CYTH3: variants seen among roughly 807,000 people sequenced by gnomAD.
CYTH3 encodes the protein cytohesin-3.
A neutral mutation model predicts 55.1 loss-of-function variants in CYTH3; 23 were observed. The observed-to-expected ratio is 0.42, with a 90% CI of 0.30 to 0.59. The LOEUF (loss-of-function observed/expected upper bound fraction) is 0.59. Ranked by LOEUF, CYTH3 falls within the 20% of genes least tolerant of loss-of-function variation. The pLI is 0.20. For synonymous variants in CYTH3, 249 were observed against 194.9 expected (o/e 1.28, Z -2.31); for missense variants, 413 against 524.8 (o/e 0.79, Z 2.08).
intron 1 of CYTH3, among the ~76,000 whole-genome samples, chr7:6,237,055 G>C (rs1242597494): frequency 6.6e-6 from 1 of 152,218 alleles, no homozygotes; most frequent in African/African-American, 2.4e-5. Context: ...TCAAAGCAGA[G>C]GAGTACTTGC....
intron 1 of CYTH3, chr7:6,212,565 A>C (rs1398349780): frequency 6.6e-6 from 1 of 152,202 alleles, no homozygotes; most frequent in Non-Finnish European, 1.5e-5. Context: ...TATAAAAAAA[A>C]AGTTCTCAAG....
At chr7:6,205,426 T>G (rs1398358098) in intron 1 of CYTH3, among the ~76,000 whole-genome samples, 1 of 151,440 alleles carries the variant, frequency 6.6e-6, no homozygotes, top group Non-Finnish European at 1.5e-5. Context: ...TACAAAAAAT[T>G]AGCCAGGCAT....
chr7:6,242,569 G>C (rs1417016618), intron 1 of CYTH3, among the ~76,000 whole-genome samples: 1 of 150,798 alleles, frequency 6.6e-6, no homozygotes, highest in Non-Finnish European at 1.5e-5. Context: ...TAGAGATGGG[G>C]TTTCACCATA....
intron 1 of CYTH3, chr7:6,212,773 T>C (rs1056140408): frequency 5.3e-5 from 8 of 152,232 alleles, no homozygotes; most frequent in Admixed American, 2.0e-4. Flanking sequence ...TAATATTCCA[T>C]TGTATGGAGA....
intron 1 of CYTH3, among the ~76,000 whole-genome samples, chr7:6,242,013 A>C (rs1397554684): frequency 6.6e-6 from 1 of 152,222 alleles, no homozygotes; most frequent in South Asian, 2.1e-4. Flanking sequence ...TCATGCTTGC[A>C]TATACCACTG....
intron 4 of CYTH3, among the ~76,000 whole-genome samples, chr7:6,185,595 G>C (rs555886968): frequency 5.9e-5 from 9 of 151,916 alleles, no homozygotes; most frequent in Admixed American, 5.9e-4. Context: ...AGCTACTCGG[G>C]AGGCTGAGGC....
intron 1 of CYTH3, among the ~76,000 whole-genome samples, chr7:6,256,188 G>T (rs6463537): frequency 0.96 from 146,436 of 152,364 alleles, 70,422 homozygotes; most frequent in East Asian, 1. Flanking sequence ...ACTACATTTC[G>T]TGATGGCTGA....
intron 1 of CYTH3, among the ~76,000 whole-genome samples, chr7:6,231,097 A>G (rs968193248): frequency 3.3e-5 from 5 of 152,188 alleles, no homozygotes; most frequent in Admixed American, 1.3e-4. Context: ...CTTAGACTTC[A>G]TCAAACACTA....
intron 9 of CYTH3, among the ~76,000 whole-genome samples, chr7:6,168,186 T>C (rs1326731692): frequency 6.6e-6 from 1 of 151,782 alleles, no homozygotes; most frequent in African/African-American, 2.4e-5. Context: ...ACACACTTTC[T>C]GTATGGCAGC....
At chr7:6,177,776 A>C in intron 5 of CYTH3, 47 bp downstream of exon 5, 1 of 1,439,580 alleles carries the variant, frequency 6.9e-7, no homozygotes, top group East Asian at 2.3e-5. Flanking sequence ...GTCAAGCTGC[A>C]GGGCTGAGTG....
At chr7:6,210,671 T>C (rs536843008) in intron 1 of CYTH3, among the ~76,000 whole-genome samples, 4 of 152,334 alleles carry the variant, frequency 2.6e-5, no homozygotes, top group African/African-American at 4.8e-5. Flanking sequence ...AAACCCCCAG[T>C]GCTTGTCAGT....
chr7:6,168,261 G>A (rs952061219), intron 9 of CYTH3, among the ~76,000 whole-genome samples: 15 of 142,760 alleles, frequency 1.1e-4, no homozygotes. Flanking sequence ...TTCAAGACTC[G>A]AAGTCTTAAG....
intron 1 of CYTH3, among the ~76,000 whole-genome samples, chr7:6,195,847 T>G (rs1019663687): frequency 4.6e-5 from 7 of 152,156 alleles, no homozygotes; most frequent in African/African-American, 1.4e-4. Flanking sequence ...GAAGAAATAA[T>G]GGCTGAAATG....
chr7:6,265,211 C>T (rs967349329), intron 1 of CYTH3, among the ~76,000 whole-genome samples: 3 of 149,654 alleles, frequency 2.0e-5, no homozygotes, highest in African/African-American at 7.5e-5. Flanking sequence ...TCCCCAAGGT[C>T]AGAATGTTTT....
chr7:6,166,461 G>A (rs1326596932), intron 9 of CYTH3, among the ~76,000 whole-genome samples: 1 of 152,224 alleles, frequency 6.6e-6, no homozygotes, highest in African/African-American at 2.4e-5. Context: ...GTGCTCCCTG[G>A]GGTACTAGGC....
chr7:6,266,703 G>GGCCACGGGCTTTCCCTA lies in CYTH3; in HGVS notation c.34+5754_34+5770dup, dbSNP rs1262486506. On this transcript the variant is annotated intron_variant, in intron 1 of 12. Transcript: ENST00000350796. ...GGGCATTTCCTCAGAGGCCTTCCCTGGCCACGGGCTTTCCCTACACCTCTC... is the reference window on the plus strand; with the variant it reads ...GGGCATTTCCTCAGAGGCCTTCCCTGGCCACGGGCTTTCCCTAGCCACGGGCTTTCCCTACACCTCTC... Among the ~76,000 whole-genome samples, 198 of 149,450 alleles carry GGCCACGGGCTTTCCCTA rather than the reference G, an allele frequency of 1.3e-3. 1 individual carries two copies. The highest frequency in any genetic ancestry group is 4.7e-3 in the African/African-American group (191 of 40,744).
intron 2 of CYTH3, among the ~76,000 whole-genome samples, chr7:6,188,009 G>GGT (rs1562886643): frequency 6.6e-6 from 1 of 151,104 alleles, no homozygotes; most frequent in Admixed American, 6.6e-5. Flanking sequence ...AAGCACACTG[G>GGT]GGGGGGAATA....
chr7:6,170,208 G>A lies in CYTH3; in HGVS notation c.823+327C>T, dbSNP rs1783133533. Reference sequence around the variant, plus strand: ...ATCACAGCCACACCAAACCGAGAGAGGCACACAGGCTCTGTGGAGATAATG... The same window carrying A: ...ATCACAGCCACACCAAACCGAGAGAAGCACACAGGCTCTGTGGAGATAATG... On this transcript the variant is annotated intron_variant, in intron 9 of 12. Transcript: ENST00000350796. This position sits in a 1 kb window ranked among gnomAD's most constrained non-coding sequence, Gnocchi z 7.8. 9.9e-6 allele frequency: 3 copies of A among 304,108 alleles called. No homozygotes were observed. The East Asian group carries it at 1.9e-4, about 19-fold the overall frequency. The allele number at this position is 304,108 out of a possible 1,614,324, so 18.8% of individuals were successfully genotyped here. A position where few individuals can be genotyped will look rare whatever the true frequency, so the allele number is the denominator to read the frequency against.
At chr7:6,168,284 G>A (rs981663718) in intron 9 of CYTH3, among the ~76,000 whole-genome samples, 3 of 145,484 alleles carry the variant, frequency 2.1e-5, no homozygotes, top group South Asian at 2.1e-4. Flanking sequence ...ACCAACAATC[G>A]TAAGCCACGC....
Sources: gnomAD v4.1 joint callset for allele counts (sites outside exome capture counted in the v4.1 genomes callset) on GRCh38, gnomAD v4.1.1 for gene constraint, Gnocchi (gnomAD v3.1) non-coding constraint, MANE v1.5 for transcripts, NCBI Gene and HGNC (gene_info 2026-07-23, HGNC 2026-07-21) for gene names.